MYT1L: variants seen among roughly 807,000 people sequenced by gnomAD.
MYT1L encodes the protein myelin transcription factor 1-like protein.
A neutral mutation model predicts 126.7 loss-of-function variants in MYT1L; 12 were observed. The ratio of observed to expected loss-of-function variants is 0.09; its 90% CI spans 0.06 to 0.15. MYT1L has a LOEUF of 0.15. Ranked by LOEUF, MYT1L falls within the 10% of genes least tolerant of loss-of-function variation. MYT1L has a pLI of 1.00. For synonymous variants in MYT1L, 541 were observed against 604.2 expected (o/e 0.90, Z 1.53); for missense variants, 979 against 1,585.2 (o/e 0.62, Z 6.49).
At chr2:2,161,443 G>A (rs779292308) in intron 3 of MYT1L, among the ~76,000 whole-genome samples, 10 of 152,252 alleles carry the variant, frequency 6.6e-5, no homozygotes, top group Non-Finnish European at 2.9e-5. Context: ...GCCTGCACGA[G>A]GAAGAATGGT....
At chr2:1,986,778 C>T (rs146697504) in intron 5 of MYT1L, among the ~76,000 whole-genome samples, 98 of 152,200 alleles carry the variant, frequency 6.4e-4, no homozygotes, top group African/African-American at 2.2e-3. Context: ...CCAAGGGGGT[C>T]GTCAGATGCT....
At chr2:2,025,585 C>G (rs1400468918) in intron 4 of MYT1L, among the ~76,000 whole-genome samples, 1 of 152,196 alleles carries the variant, frequency 6.6e-6, no homozygotes, top group Admixed American at 6.5e-5. Flanking sequence ...AGGGGAACTT[C>G]TGAGATCCTT....
chr2:1,823,361 G>A (rs2038830981), intron 21 of MYT1L, among the ~76,000 whole-genome samples: 1 of 152,196 alleles, frequency 6.6e-6, no homozygotes, highest in African/African-American at 2.4e-5. Flanking sequence ...AGATATAGCT[G>A]TGGCAGCTGT....
chr2:1,993,420 T>C (rs1457038292), intron 5 of MYT1L, among the ~76,000 whole-genome samples: 1 of 152,186 alleles, frequency 6.6e-6, no homozygotes, highest in African/African-American at 2.4e-5. Flanking sequence ...TGTATATTTA[T>C]TGTTTACAAA....
At chr2:2,329,381 G>A (rs943415509) in intron 1 of MYT1L, among the ~76,000 whole-genome samples, 2 of 151,912 alleles carry the variant, frequency 1.3e-5, no homozygotes, top group Non-Finnish European at 2.9e-5. Flanking sequence ...TTTGATTCAC[G>A]AATCTGAAGA....
chr2:1,922,600 C>T lies in MYT1L; in HGVS notation c.1169G>A (p.Ser390Asn). Reference sequence around the variant, plus strand: ...GCTGGCAAACACTCTCGACCGGGGGCTCAACTGCTCCTCCAGCCGCATGAG... The same window carrying T: ...GCTGGCAAACACTCTCGACCGGGGGTTCAACTGCTCCTCCAGCCGCATGAG... ...LNLMRLEEQL[S>N]PRSRVFASCA... Residue 390 changes from serine (S) to asparagine (N), a missense_variant, in exon 10 of 25, where the codon AGC becomes AAC. Around this residue, in one of 12 missense-constraint regions of MYT1L, gnomAD observed 243 missense variants for 363.9 expected, o/e 0.67. Coordinates refer to ENST00000647738, the MANE Select transcript of MYT1L (RefSeq NM_001303052.2). This position sits in a 1 kb window ranked among gnomAD's most constrained non-coding sequence, Gnocchi z 7.4. The T allele has an allele frequency of 6.2e-7, 1 of 1,613,984 alleles. No individual in the cohort carries two copies. The highest frequency in any genetic ancestry group is 1.3e-5 in the African/African-American group (1 of 75,040).
intron 2 of MYT1L, among the ~76,000 whole-genome samples, chr2:2,259,334 T>A (rs1412449623): frequency 1.5e-5 from 2 of 133,888 alleles, no homozygotes; most frequent in Non-Finnish European, 3.1e-5. Flanking sequence ...GCATGGCACA[T>A]GTATACATAT....
intron 4 of MYT1L, among the ~76,000 whole-genome samples, chr2:2,027,581 G>C (rs955774802): frequency 6.6e-6 from 1 of 152,300 alleles, no homozygotes; most frequent in East Asian, 1.9e-4. Context: ...TTATTCTAAT[G>C]TATCATAGAA....
At chr2:2,261,206 CT>C (rs1559486830) in intron 2 of MYT1L, among the ~76,000 whole-genome samples, 1 of 152,062 alleles carries the variant, frequency 6.6e-6, no homozygotes, top group South Asian at 2.1e-4. Context: ...GAATCTCCAA[CT>C]TTTTTGTTTC....
At chr2:2,006,726 T>TCACCATGC (rs1410922417) in intron 4 of MYT1L, among the ~76,000 whole-genome samples, 1 of 151,826 alleles carries the variant, frequency 6.6e-6, no homozygotes, top group Non-Finnish European at 1.5e-5. Context: ...CAAATGCACA[T>TCACCATGC]CACCATGCCC....
chr2:2,197,582 G>A (rs540181570), intron 2 of MYT1L, among the ~76,000 whole-genome samples: 7 of 148,114 alleles, frequency 4.7e-5, no homozygotes, highest in African/African-American at 1.5e-4. Flanking sequence ...TGCACACAAC[G>A]AAGGTGCAGA....
At chr2:2,296,854 G>A (rs966370261) in intron 1 of MYT1L, among the ~76,000 whole-genome samples, 2 of 152,206 alleles carry the variant, frequency 1.3e-5, no homozygotes, top group African/African-American at 4.8e-5. Context: ...CCTCACCGGT[G>A]TGTGCAGGGC....
intron 3 of MYT1L, among the ~76,000 whole-genome samples, chr2:2,110,847 C>T (rs1433153998): frequency 6.6e-6 from 1 of 152,112 alleles, no homozygotes; most frequent in East Asian, 1.9e-4. Flanking sequence ...AGTATGGAGG[C>T]GGGAGTGAGT....
chr2:2,327,834 A>G (rs1384883229), intron 1 of MYT1L, among the ~76,000 whole-genome samples: 2 of 152,224 alleles, frequency 1.3e-5, no homozygotes, highest in Non-Finnish European at 2.9e-5. Context: ...TTTTTAATAT[A>G]AAATATTTAA....
intron 2 of MYT1L, among the ~76,000 whole-genome samples, chr2:2,211,803 CA>C (rs35770675): frequency 0.054 from 3,226 of 59,664 alleles, 19 homozygotes; most frequent in Non-Finnish European, 0.07. Context: ...GACTCCATGT[CA>C]AAAAAAAAAA....
At chr2:1,900,398 C>A (rs2148937800) in intron 14 of MYT1L, among the ~76,000 whole-genome samples, 1 of 152,176 alleles carries the variant, frequency 6.6e-6, no homozygotes, top group African/African-American at 2.4e-5. Flanking sequence ...CTCCCGGGTT[C>A]ATGCCATTCT....
At chr2:2,325,056 C>T (rs1573602500) in intron 1 of MYT1L, 3 of 152,446 alleles carry the variant, frequency 2.0e-5, no homozygotes, top group Admixed American at 6.5e-5. Context: ...ACTGTAAATA[C>T]CGGAGTCAGG....
chr2:1,994,254 G>A (rs976824691), intron 5 of MYT1L, among the ~76,000 whole-genome samples: 1 of 152,190 alleles, frequency 6.6e-6, no homozygotes, highest in Non-Finnish European at 1.5e-5. Context: ...ACCAGGCTCA[G>A]CCCTGGTTCA....
intron 2 of MYT1L, among the ~76,000 whole-genome samples, chr2:2,235,249 T>C (rs902148417): frequency 1.4e-4 from 22 of 152,000 alleles, no homozygotes; most frequent in African/African-American, 3.9e-4. Context: ...GAGGGCTGTG[T>C]GTAGCTGGTT....
Sources: gnomAD v4.1 joint callset for allele counts (sites outside exome capture counted in the v4.1 genomes callset) on GRCh38, gnomAD v4.1.1 for gene constraint, gnomAD v4.1.1 regional missense constraint, Gnocchi (gnomAD v3.1) non-coding constraint, MANE v1.5 for transcripts, NCBI Gene and HGNC (gene_info 2026-07-23, HGNC 2026-07-21) for gene names.